Variants in DRC8 observed in about 807,000 individuals in gnomAD.
DRC8 encodes the protein dynein regulatory complex protein 8.
At chr1:245,115,571 C>T in the DRC8 span, among the ~76,000 whole-genome samples, 6 of 152,212 alleles carry the variant, frequency 3.9e-5, no homozygotes, top group African/African-American at 1.4e-4. Context: ...CAGTCACTGT[C>T]ATTCATTTAT....
the DRC8 span, chr1:244,970,173 G>A: frequency 8.5e-6 from 6 of 704,378 alleles, no homozygotes; most frequent in South Asian, 9.1e-5. Context: ...GGAGGGACAA[G>A]GCCGGGGGCC....
At chr1:245,108,673 C>A in the DRC8 span, among the ~76,000 whole-genome samples, 1 of 152,238 alleles carries the variant, frequency 6.6e-6, no homozygotes, top group East Asian at 1.9e-4. Flanking sequence ...GCAGCAGAGT[C>A]TATTCCTCCT....
the DRC8 span, chr1:244,970,847 G>A: frequency 3.4e-6 from 1 of 290,540 alleles, no homozygotes; most frequent in Non-Finnish European, 6.4e-6. Context: ...GCCGGCAGGG[G>A]GTGCTGATAA....
At chr1:245,034,089 A>G in the DRC8 span, among the ~76,000 whole-genome samples, 2 of 152,068 alleles carry the variant, frequency 1.3e-5, no homozygotes, top group Non-Finnish European at 2.9e-5. Context: ...TTATCTTTCT[A>G]TCTGGACTAT....
the DRC8 span, among the ~76,000 whole-genome samples, chr1:245,097,527 AAAAG>A: frequency 6.7e-6 from 1 of 149,942 alleles, no homozygotes; most frequent in African/African-American, 2.5e-5. The surrounding 1 kb of genome is among the most constrained non-coding windows in gnomAD (Gnocchi z 5.0). Flanking sequence ...CAAAAAAAAA[AAAAG>A]AAAGAAAGAA....
the DRC8 span, among the ~76,000 whole-genome samples, chr1:245,074,347 C>G: frequency 6.6e-6 from 1 of 152,180 alleles, no homozygotes; most frequent in African/African-American, 2.4e-5. Flanking sequence ...CAATCACCAT[C>G]TCTATCAAAT....
the DRC8 span, chr1:244,969,987 TAAC>T: frequency 7.5e-6 from 4 of 530,600 alleles, no homozygotes; most frequent in African/African-American, 4.1e-5. Context: ...AATCTGCAGT[TAAC>T]AACAAAAATC....
At chr1:245,075,251 G>A in the DRC8 span, among the ~76,000 whole-genome samples, 3 of 152,040 alleles carry the variant, frequency 2.0e-5, no homozygotes, top group African/African-American at 4.8e-5. Flanking sequence ...AACACCTGCC[G>A]GACCCTGACG....
the DRC8 span, chr1:245,059,308 T>G: frequency 2.1e-6 from 2 of 970,392 alleles, no homozygotes; most frequent in Non-Finnish European, 3.2e-6. Flanking sequence ...TTACAAAATA[T>G]GCTCTGAGAT....
chr1:245,018,329 A>G, the DRC8 span, among the ~76,000 whole-genome samples: 4 of 152,106 alleles, frequency 2.6e-5, no homozygotes, highest in African/African-American at 7.2e-5. Flanking sequence ...AGAACCTAGT[A>G]GAGAGGCCAG....
At chr1:245,064,902 T>C in the DRC8 span, among the ~76,000 whole-genome samples, 1 of 152,112 alleles carries the variant, frequency 6.6e-6, no homozygotes, top group Admixed American at 6.5e-5. Flanking sequence ...TACGTTGGTG[T>C]AAACACATAT....
chr1:245,032,412 G>A, the DRC8 span, among the ~76,000 whole-genome samples: 2 of 152,114 alleles, frequency 1.3e-5, no homozygotes, highest in Admixed American at 6.5e-5. Context: ...GCCATCTTCT[G>A]TTTCATGTTT....
chr1:244,970,638 TCCGCCCCGCCCCGCCCCGCC>T, the DRC8 span: 1 of 486,180 alleles, frequency 2.1e-6, no homozygotes. Context: ...GGCCCGCCGC[TCCGCCCCGCCCCGCCCCGCC>T]TCTCTCCCCC....
At chr1:245,035,526 G>T in the DRC8 span, among the ~76,000 whole-genome samples, 1 of 152,138 alleles carries the variant, frequency 6.6e-6, no homozygotes, top group Non-Finnish European at 1.5e-5. Context: ...ACATGCAAAT[G>T]AATGAAGTTG....
At chr1:244,970,761 C>A in the DRC8 span, 1 of 414,940 alleles carries the variant, frequency 2.4e-6, no homozygotes, top group Non-Finnish European at 4.2e-6. Flanking sequence ...CACCCTCTTC[C>A]CCTCCTCCCG....
the DRC8 span, among the ~76,000 whole-genome samples, chr1:245,004,309 T>C: frequency 1.3e-5 from 2 of 152,120 alleles, no homozygotes; most frequent in Non-Finnish European, 2.9e-5. Context: ...AGGAAACTCT[T>C]TAGGAATTTG....
the DRC8 span, among the ~76,000 whole-genome samples, chr1:244,991,311 C>T: frequency 6.6e-6 from 1 of 152,130 alleles, no homozygotes; most frequent in East Asian, 1.9e-4. Flanking sequence ...GTTGGGTGCA[C>T]TATTCTCCCG....
At chr1:244,970,523 TG>T in the DRC8 span, 4 of 1,490,174 alleles carry the variant, frequency 2.7e-6, no homozygotes, top group African/African-American at 4.5e-5. Context: ...CCGGGTGGGG[TG>T]GGCCCTCGTC....
At chr1:245,038,940 A>G in the DRC8 span, among the ~76,000 whole-genome samples, 1 of 151,560 alleles carries the variant, frequency 6.6e-6, no homozygotes, top group African/African-American at 2.4e-5. Context: ...GAAAAATCTT[A>G]CATTGTAAAT....
Sources: gnomAD v4.1 joint callset for allele counts (sites outside exome capture counted in the v4.1 genomes callset) on GRCh38, gnomAD v4.1.1 for gene constraint, Gnocchi (gnomAD v3.1) non-coding constraint, MANE v1.5 for transcripts, NCBI Gene and HGNC (gene_info 2026-07-23, HGNC 2026-07-21) for gene names.